The following ABCC1 variants were observed in gnomAD, a reference collection of about 807,000 sequenced individuals.
The protein encoded by ABCC1 is ATP binding cassette subfamily C member 1 (ABCC1 blood group), also known as multidrug resistance-associated protein 1.
A neutral mutation model predicts 172.9 loss-of-function variants in ABCC1; 83 were observed. That is an observed-to-expected ratio of 0.48 (90% confidence interval 0.40 to 0.58). The LOEUF is 0.58. ABCC1 is among the 20% of genes least tolerant of loss of function. The pLI, the probability that ABCC1 is intolerant of heterozygous loss-of-function variation, is 0.00. For missense variants in ABCC1, 1,817 were observed against 2,002.7 expected (o/e 0.91, Z 1.77); for synonymous variants, 937 against 825.2 (o/e 1.14, Z -2.32).
intron 15 of ABCC1, among the ~76,000 whole-genome samples, chr16:16,077,476 G>A (rs1373157683): frequency 1.1e-4 from 16 of 151,908 alleles, no homozygotes; most frequent in Non-Finnish European, 2.4e-4. Flanking sequence ...CCCCCCATGA[G>A]CCCCCAGAAC....
At position 16,125,808 on chromosome 16, in the gene ABCC1, AGGTC is replaced by A. The variant is rs1567433887; in HGVS notation, c.3718-1_3720del. The stretch of plus-strand genomic sequence containing the variant: ...AATGCCACGTGACTCTTCCACTCAC[AGGTC>A]ACCACGTACTTGAACTGGCTGGTTC... On this transcript the variant is annotated splice_acceptor_variant and coding_sequence_variant, in exon 26 of 31. Transcript: ENST00000399410. LOFTEE classifies it high-confidence loss of function. The A allele has an allele frequency of 6.2e-7, 1 of 1,611,064 alleles. No homozygotes were observed. The highest frequency in any genetic ancestry group is 1.1e-5 in the South Asian group (1 of 90,786).
At chr16:16,091,047 A>G (rs2051233619) in intron 19 of ABCC1, among the ~76,000 whole-genome samples, 1 of 152,046 alleles carries the variant, frequency 6.6e-6, no homozygotes, top group Admixed American at 6.6e-5. Flanking sequence ...GTCTGGGTTC[A>G]ATCCCCGGCC....
chr16:16,005,092 T>G lies in ABCC1; in HGVS notation c.49-2724T>G, dbSNP rs942584466. Among the ~76,000 whole-genome samples the G allele has an allele frequency of 9.7e-5, 14 of 143,942 alleles. No individual in the cohort carries two copies. In the Admixed American group the frequency reaches 1.0e-3, roughly 11 times the overall value. 94.4% of individuals were successfully genotyped at this position (143,942 alleles called of 152,430 possible). ...AACTTTTTTTTTTTTTTGATATGGC[T>G]TTAAAGCTCTGTGGAGCTGTAAGGG... On this transcript the variant is annotated intron_variant, in intron 1 of 30. Transcript: ENST00000399410.
chr16:16,036,844 G>A (rs555280710), intron 7 of ABCC1, among the ~76,000 whole-genome samples: 15 of 152,182 alleles, frequency 9.9e-5, no homozygotes, highest in Non-Finnish European at 2.1e-4. Flanking sequence ...GGTGGCTCTC[G>A]TGTCTAATCC....
intron 12 of ABCC1, among the ~76,000 whole-genome samples, chr16:16,060,540 T>G (rs1462189908): frequency 6.6e-6 from 1 of 152,146 alleles, no homozygotes; most frequent in East Asian, 1.9e-4. Context: ...TTGTTTTTTT[T>G]GGGACTGAGT....
chr16:15,999,850 C>CTTTCTTTCTTTCTTTCTTTCTT (rs2047221956), intron 1 of ABCC1, among the ~76,000 whole-genome samples: 1 of 67,728 alleles, frequency 1.5e-5, no homozygotes, highest in Admixed American at 2.2e-4. Flanking sequence ...TTCTTTCTTT[C>CTTTCTTTCTTTCTTTCTTTCTT]TTTCTTTCTT....
intron 7 of ABCC1, among the ~76,000 whole-genome samples, chr16:16,038,075 A>G (rs1321541866): frequency 7.4e-6 from 1 of 134,850 alleles, no homozygotes. Flanking sequence ...GATGATAGAT[A>G]GATGGATGAT....
chr16:15,960,855 A>C (rs1458631693), intron 1 of ABCC1, among the ~76,000 whole-genome samples: 1 of 152,182 alleles, frequency 6.6e-6, no homozygotes, highest in Non-Finnish European at 1.5e-5. Context: ...GCATTCGGCA[A>C]AATGCATAAA....
chr16:16,044,748 G>A, intron 8 of ABCC1, 68 bp downstream of exon 8: 3 of 1,426,510 alleles, frequency 2.1e-6, no homozygotes, highest in South Asian at 2.3e-5. Flanking sequence ...AGTTGCATCA[G>A]TCATAACCCT....
intron 24 of ABCC1, 57 bp downstream of exon 24, chr16:16,122,231 C>T (rs1244135554): frequency 1.3e-6 from 2 of 1,584,226 alleles, no homozygotes; most frequent in Non-Finnish European, 1.7e-6. Flanking sequence ...CACCTTGTCT[C>T]TTTGCCTCGA....
Position 16,114,791 on chromosome 16 carries a change from G to GTC in ABCC1, c.3105_3106insTC (p.Ala1036SerfsTer27). The GTC allele has an allele frequency of 6.2e-7, 1 of 1,605,046 alleles. No individual in the cohort carries two copies. The highest frequency in any genetic ancestry group is 1.1e-5 in the South Asian group (1 of 90,936). ...GGATCGCCGTGTTTGGCTACTCCAT[G>GTC]GCCGTGTCCATCGGGGGGATCTTGG... is the stretch of plus-strand genomic sequence containing the variant. On this transcript the variant is annotated frameshift_variant, in exon 23 of 31. Coordinates refer to ENST00000399410, the MANE Select transcript of ABCC1 (RefSeq NM_004996.4). LOFTEE classifies it high-confidence loss of function.
Position 16,044,451 on chromosome 16 carries a change from C to T in ABCC1, c.811C>T (p.Gln271Ter). ...WKKECAKTRK[Q>*]PVKVVYSSKD... Reference sequence around the variant, plus strand: ...CGGCTTCACCTCCTTGTGTTCCAGGCAGCCGGTGAAGGTTGTGTACTCCTC... The same window carrying T: ...CGGCTTCACCTCCTTGTGTTCCAGGTAGCCGGTGAAGGTTGTGTACTCCTC... The change falls in exon 8 of 31, where the codon CAG (glutamine) becomes TAG (stop). Residue 271 changes from glutamine to a stop codon, truncating the protein, a stop_gained and splice_region_variant. Transcript: ENST00000399410. LOFTEE classifies it high-confidence loss of function. 1.2e-6 allele frequency: 2 copies of T among 1,613,632 alleles called. No individual in the cohort carries two copies. Among genetic ancestry groups the T allele is most frequent in the East Asian group, 2.2e-5 (1 of 44,880 alleles).
intron 19 of ABCC1, among the ~76,000 whole-genome samples, chr16:16,094,922 A>G (rs908329828): frequency 9.3e-5 from 14 of 151,020 alleles, no homozygotes; most frequent in Non-Finnish European, 1.5e-5. Flanking sequence ...GGTTCAAGAA[A>G]TTCTTGTGCC....
At chr16:16,127,416 C>G (rs1399163043) in intron 26 of ABCC1, among the ~76,000 whole-genome samples, 3 of 152,148 alleles carry the variant, frequency 2.0e-5, no homozygotes, top group Admixed American at 6.6e-5. Flanking sequence ...CCAGACTCAT[C>G]TTGATCTCCT....
intron 1 of ABCC1, among the ~76,000 whole-genome samples, chr16:15,960,114 G>C (rs751964795): frequency 2.6e-5 from 4 of 152,136 alleles, no homozygotes; most frequent in Non-Finnish European, 5.9e-5. Context: ...CTGATTGATG[G>C]ATGGAGTCTT....
At chr16:16,113,641 TGA>T (rs947663691) in intron 22 of ABCC1, among the ~76,000 whole-genome samples, 4 of 152,152 alleles carry the variant, frequency 2.6e-5, no homozygotes, top group African/African-American at 4.8e-5. Context: ...GGTGACAGGA[TGA>T]GAGAGACCCC....
chr16:16,051,452 T>C (rs1040837316), intron 10 of ABCC1, among the ~76,000 whole-genome samples: 4 of 152,066 alleles, frequency 2.6e-5, no homozygotes, highest in Non-Finnish European at 4.4e-5. Context: ...GGATTACAGG[T>C]GTCAGTCACT....
intron 9 of ABCC1, among the ~76,000 whole-genome samples, chr16:16,046,551 G>C (rs993856824): frequency 6.6e-6 from 1 of 152,024 alleles, no homozygotes; most frequent in Non-Finnish European, 1.5e-5. Flanking sequence ...CGCCATGTTG[G>C]CCAGGCTGAT....
At chr16:16,135,453 C>T (rs947240582) in intron 28 of ABCC1, among the ~76,000 whole-genome samples, 1 of 152,072 alleles carries the variant, frequency 6.6e-6, no homozygotes, top group Non-Finnish European at 1.5e-5. Context: ...CTTTTTCTTT[C>T]TCTTTTCTTT....
Sources: allele counts gnomAD v4.1 joint callset (sites outside exome capture counted in the v4.1 genomes callset), GRCh38; gene constraint gnomAD v4.1.1; transcripts MANE v1.5; gene names NCBI Gene and HGNC (gene_info 2026-07-23, HGNC 2026-07-21).